Variants in SNX7 observed in about 807,000 individuals in gnomAD.
SNX7 encodes sorting nexin-7.
Under a neutral mutation model 48.4 loss-of-function variants are expected in SNX7, and 35 were observed. That is an observed-to-expected ratio of 0.72 (90% CI 0.55 to 0.96). The LOEUF (loss-of-function observed/expected upper bound fraction) is 0.96, where lower values mean the gene tolerates loss of function less well. Ranked by LOEUF, SNX7 falls within the 40% of genes least tolerant of loss-of-function variation. The pLI is 0.00. For synonymous variants in SNX7, 190 were observed against 190.2 expected, an observed-to-expected ratio of 1.00 and a Z score of 0.01; for missense variants, 553 against 548.9, an observed-to-expected ratio of 1.01 and a Z score of -0.07.
intron 7 of SNX7, among the ~76,000 whole-genome samples, chr1:98,736,470 A>G (rs1570591603): frequency 6.6e-6 from 1 of 152,190 alleles, no homozygotes; most frequent in African/African-American, 2.4e-5. Flanking sequence ...ATTTCCAAAC[A>G]CCCACAGCCT....
chr1:98,705,550 A>G (rs1193289223), intron 7 of SNX7, among the ~76,000 whole-genome samples: 1 of 152,176 alleles, frequency 6.6e-6, no homozygotes, highest in Non-Finnish European at 1.5e-5. Context: ...GACAGTATAG[A>G]GGTAATGTTT....
rs1557808098 is a variant in SNX7, at chr1:98,701,879, CTA to C, written c.1104_1105del (p.Tyr368Ter). 6.8e-6 allele frequency: 11 copies of C among 1,610,542 alleles called. No individual in the cohort carries two copies. Among genetic ancestry groups the C allele is most frequent in the Non-Finnish European group, 9.3e-6 (11 of 1,178,150 alleles). ...ELDSKVEVLTYKKADTDLLPE... is the reference protein window; with the variant it reads ...ELDSKVEVLTXKKADTDLLPE... ...TGGATTCCAAAGTTGAAGTTTTGAC[CTA>C]TAAAAAGGCAGATACTGATCTGGTA... On this transcript the variant is annotated frameshift_variant, in exon 7 of 9. Coordinates refer to ENST00000306121, the MANE Select transcript of SNX7 (RefSeq NM_015976.5). LOFTEE classifies it high-confidence loss of function.
chr1:98,668,607 G>A (rs146723383), intron 1 of SNX7, among the ~76,000 whole-genome samples: 3 of 152,280 alleles, frequency 2.0e-5, no homozygotes, highest in East Asian at 1.9e-4. Context: ...TCCACTAAGG[G>A]ATTTCACTGA....
intron 1 of SNX7, among the ~76,000 whole-genome samples, chr1:98,664,761 G>A (rs1184535605): frequency 6.6e-6 from 1 of 152,158 alleles, no homozygotes; most frequent in African/African-American, 2.4e-5. Context: ...TTATAATCCA[G>A]TGAGAAGAAA....
intron 1 of SNX7, chr1:98,662,166 T>A (rs1471700295): frequency 1.1e-5 from 4 of 350,198 alleles, no homozygotes; most frequent in Non-Finnish European, 2.0e-5. Context: ...GGGCTGTGGC[T>A]TAGTGGAGTC....
At chr1:98,685,162 A>G (rs1478543151) in intron 2 of SNX7, 95 bp downstream of exon 2, 2 of 759,070 alleles carry the variant, frequency 2.6e-6, no homozygotes, top group Admixed American at 3.9e-5. Flanking sequence ...GAACATTCCA[A>G]GATCTTAGCT....
intron 8 of SNX7, among the ~76,000 whole-genome samples, chr1:98,756,446 T>TTA (rs57987437): frequency 7.3e-6 from 1 of 136,826 alleles, no homozygotes; most frequent in South Asian, 2.3e-4. Flanking sequence ...TTTTTTTTTT[T>TTA]AATATTGGTT....
intron 8 of SNX7, among the ~76,000 whole-genome samples, chr1:98,755,869 C>T (rs529261828): frequency 1.3e-5 from 2 of 151,722 alleles, no homozygotes; most frequent in African/African-American, 4.8e-5. Context: ...TTTTTTTATT[C>T]AGTTGGCAAT....
At chr1:98,677,558 G>C (rs938792286) in intron 1 of SNX7, among the ~76,000 whole-genome samples, 2 of 152,130 alleles carry the variant, frequency 1.3e-5, no homozygotes, top group South Asian at 2.1e-4. Context: ...GGAAAGGCTA[G>C]ACAAGCCATG....
At chr1:98,671,942 A>T (rs1393823611) in intron 1 of SNX7, among the ~76,000 whole-genome samples, 1 of 152,194 alleles carries the variant, frequency 6.6e-6, no homozygotes, top group Non-Finnish European at 1.5e-5. Context: ...TTAAGAAAAA[A>T]AGTCTGTTTA....
At chr1:98,738,845 A>G (rs1340235818) in intron 8 of SNX7, among the ~76,000 whole-genome samples, 1 of 151,766 alleles carries the variant, frequency 6.6e-6, no homozygotes, top group African/African-American at 2.4e-5. Context: ...TTTTCAGATG[A>G]TTGTATTTCA....
intron 7 of SNX7, among the ~76,000 whole-genome samples, chr1:98,732,446 G>A (rs1420077716): frequency 6.6e-6 from 1 of 152,118 alleles, no homozygotes; most frequent in African/African-American, 2.4e-5. Context: ...AGTCAATTAT[G>A]TATTCCTCTC....
intron 1 of SNX7, among the ~76,000 whole-genome samples, chr1:98,681,763 A>G (rs1003877571): frequency 5.3e-5 from 8 of 152,310 alleles, no homozygotes; most frequent in South Asian, 2.1e-4. Context: ...TTTTTGGGAC[A>G]GAGAAATTCA....
rs542555679 is a variant in SNX7 at position 98,687,887 on chromosome 1, A to G, written c.363+2820A>G. ...GTGCAGGAAAACCCCCATTTATAAA[A>G]CCATCAGATATCATGAGCCTTATTC... is the stretch of plus-strand genomic sequence containing the variant. On this transcript the variant is annotated intron_variant, in intron 2 of 8. Transcript: ENST00000306121. Among the ~76,000 whole-genome samples, 28 of 152,244 alleles carry G rather than the reference A, an allele frequency of 1.8e-4. No homozygotes were observed. The South Asian group carries it at 3.9e-3, about 21-fold the overall frequency.
intron 7 of SNX7, among the ~76,000 whole-genome samples, chr1:98,726,439 T>C (rs1268075533): frequency 6.6e-6 from 1 of 152,176 alleles, no homozygotes; most frequent in Non-Finnish European, 1.5e-5. Flanking sequence ...GAGGCAGGTG[T>C]TGCATCCTCT....
At chr1:98,729,657 C>T (rs35813887) in intron 7 of SNX7, among the ~76,000 whole-genome samples, 4,204 of 152,142 alleles carry the variant, frequency 0.028, 118 homozygotes, top group Admixed American at 0.084. Context: ...ACTAAGAAAT[C>T]TAGAAGAAAC....
Position 98,691,156 on chromosome 1 carries a change from G to C in SNX7, c.445G>C (p.Glu149Gln), listed in dbSNP as rs770990779. The C allele has an allele frequency of 6.2e-7, 1 of 1,610,214 alleles. No individual in the cohort carries two copies. Among genetic ancestry groups the C allele is most frequent in the East Asian group, 2.2e-5 (1 of 44,578 alleles). Residue 149 changes from glutamate to glutamine, a missense_variant, in exon 3 of 9, where the codon GAA (glutamate) becomes CAA (glutamine). Transcript: ENST00000306121. ...TTTCCTTTGGTTGAAGGGAAAACTG[G>C]AAGAAGCACACCCCACTCTGATTAT... is the stretch of plus-strand genomic sequence containing the variant. Reference protein sequence around the residue: ...QDFLWLKGKLEEAHPTLIIPP... With the variant: ...QDFLWLKGKLQEAHPTLIIPP...
chr1:98,689,204 C>G (rs553126569), intron 2 of SNX7, among the ~76,000 whole-genome samples: 1 of 152,250 alleles, frequency 6.6e-6, no homozygotes, highest in African/African-American at 2.4e-5. Flanking sequence ...CGACATCTTA[C>G]AGTGATCAAA....
chr1:98,678,024 TTAGTC>T (rs2100926262), intron 1 of SNX7, among the ~76,000 whole-genome samples: 2 of 150,498 alleles, frequency 1.3e-5, no homozygotes, highest in South Asian at 4.2e-4. Flanking sequence ...TGTGTGTGTG[TTAGTC>T]TGTTCTTGCA....
Sources: gnomAD v4.1 joint callset for allele counts (sites outside exome capture counted in the v4.1 genomes callset) on GRCh38, gnomAD v4.1.1 for gene constraint, MANE v1.5 for transcripts, NCBI Gene and HGNC (gene_info 2026-07-23, HGNC 2026-07-21) for gene names.